PRKN: variants seen among roughly 807,000 people sequenced by gnomAD.
PRKN encodes the protein E3 ubiquitin-protein ligase parkin.
A neutral mutation model predicts 59.5 loss-of-function variants in PRKN; 56 were observed. That is an observed-to-expected ratio of 0.94 (90% CI 0.76 to 1.18). The LOEUF (loss-of-function observed/expected upper bound fraction) is 1.18, where lower values mean the gene tolerates loss of function less well. Ranked by LOEUF, PRKN falls within the 50% of genes most tolerant of loss-of-function variation. The pLI is 0.00. For missense variants in PRKN, 657 were observed against 596.4 expected, an observed-to-expected ratio of 1.10 and a Z score of -1.06; for synonymous variants, 250 against 222.1, an observed-to-expected ratio of 1.13 and a Z score of -1.12.
chr6:162,226,445 G>GC (rs932030071), intron 3 of PRKN, among the ~76,000 whole-genome samples: 2 of 152,200 alleles, frequency 1.3e-5, no homozygotes, highest in Non-Finnish European at 2.9e-5. Flanking sequence ...CACGAGCAGA[G>GC]CCATGTGGGT....
intron 2 of PRKN, among the ~76,000 whole-genome samples, chr6:162,323,950 TA>T (rs1260269087): frequency 2.9e-5 from 4 of 139,768 alleles, no homozygotes; most frequent in Non-Finnish European, 4.7e-5. Flanking sequence ...AGAGTAACTT[TA>T]TTTATAACAG....
chr6:162,113,927 A>G (rs1780553145), intron 4 of PRKN, among the ~76,000 whole-genome samples: 1 of 152,044 alleles, frequency 6.6e-6, no homozygotes, highest in African/African-American at 2.4e-5. Context: ...TCAGCTTTCT[A>G]CATATGGCTA....
chr6:162,594,851 G>C (rs1355047441), intron 1 of PRKN, among the ~76,000 whole-genome samples: 2 of 152,110 alleles, frequency 1.3e-5, no homozygotes, highest in African/African-American at 4.8e-5. Flanking sequence ...TCCTTTCTTA[G>C]AGCTTATTTT....
chr6:161,490,073 A>T (rs1284574002), intron 9 of PRKN, among the ~76,000 whole-genome samples: 1 of 152,232 alleles, frequency 6.6e-6, no homozygotes, highest in South Asian at 2.1e-4. Context: ...ATGTCTTACC[A>T]GGAGGACCTA....
chr6:162,363,095 T>C (rs991288208), intron 2 of PRKN, among the ~76,000 whole-genome samples: 5 of 130,212 alleles, frequency 3.8e-5, no homozygotes, highest in African/African-American at 1.5e-4. Flanking sequence ...ACCACTGCAC[T>C]CCAGCCTGGG....
rs375246188 is a variant in PRKN, at chr6:162,311,041, G to C, written c.172-48276C>G. ...CTTTTTACTTGGTAACTGAAATAGT[G>C]AAAACAGAAAATCATAAAGGCTATC... On this transcript the variant is annotated intron_variant, in intron 2 of 11. Transcript: ENST00000366898. Among the ~76,000 whole-genome samples the C allele has an allele frequency of 6.6e-5, 10 of 152,130 alleles. No individual in the cohort carries two copies. The East Asian group carries it at 1.7e-3, about 26-fold the overall frequency.
At position 161,552,825 on chromosome 6, in the gene PRKN, G is replaced by A. The variant is rs1350934358; in HGVS notation, c.934-3822C>T. 1.4e-5 allele frequency among the ~76,000 whole-genome samples: 2 copies of A among 142,614 alleles called. No homozygotes were observed. Among genetic ancestry groups the A allele is most frequent in the East Asian group, 4.3e-4 (2 of 4,668 alleles). 93.6% of individuals were successfully genotyped at this position (142,614 alleles called of 152,430 possible). A position where few individuals can be genotyped will look rare whatever the true frequency, so the allele number is the denominator to read the frequency against. On this transcript the variant is annotated intron_variant, in intron 8 of 11. Coordinates refer to ENST00000366898, the MANE Select transcript of PRKN (RefSeq NM_004562.3). The surrounding 1 kb of genome is among the most constrained non-coding windows in gnomAD (Gnocchi z 4.9). ...GTTTTTTTTTTTTAGACGGAGTCTCGTTGTTACGCGGCTGGAGTACAGTGG... is the reference window on the plus strand; with the variant it reads ...GTTTTTTTTTTTTAGACGGAGTCTCATTGTTACGCGGCTGGAGTACAGTGG...
At chr6:162,577,278 G>T (rs979432521) in intron 1 of PRKN, among the ~76,000 whole-genome samples, 2 of 152,070 alleles carry the variant, frequency 1.3e-5, no homozygotes, top group African/African-American at 4.8e-5. Context: ...ACATGGAAAA[G>T]AATAAGATAA....
chr6:162,085,099 G>A (rs892425006), intron 4 of PRKN, among the ~76,000 whole-genome samples: 1 of 150,148 alleles, frequency 6.7e-6, no homozygotes, highest in Non-Finnish European at 1.5e-5. Flanking sequence ...CAGTGAGACA[G>A]TGGAAATAGG....
At chr6:162,349,754 A>G (rs1379023519) in intron 2 of PRKN, among the ~76,000 whole-genome samples, 1 of 152,202 alleles carries the variant, frequency 6.6e-6, no homozygotes, top group African/African-American at 2.4e-5. Context: ...AGTTGACGGT[A>G]AAAGACTGAA....
intron 7 of PRKN, among the ~76,000 whole-genome samples, chr6:161,679,676 C>T (rs1289703465): frequency 2.4e-5 from 2 of 83,596 alleles, no homozygotes; most frequent in African/African-American, 3.5e-5. Flanking sequence ...ATAGAACCAC[C>T]CCCCCCCCTT....
Position 162,436,063 on chromosome 6 carries a change from C to T in PRKN, c.171+7247G>A, listed in dbSNP as rs1034721057. On this transcript the variant is annotated intron_variant, in intron 2 of 11. Coordinates refer to ENST00000366898, the MANE Select transcript of PRKN (RefSeq NM_004562.3). The stretch of plus-strand genomic sequence containing the variant: ...TGGTGGTACATGCCTGAAATCCCAG[C>T]GACTTGAGAGGCTGAGGCAGGAGAA... 3.3e-5 allele frequency among the ~76,000 whole-genome samples: 5 copies of T among 149,630 alleles called. No homozygotes were observed. In the East Asian group the frequency reaches 6.1e-4, roughly 18 times the overall value.
intron 3 of PRKN, among the ~76,000 whole-genome samples, chr6:162,253,200 G>T (rs1271377587): frequency 6.6e-6 from 1 of 152,196 alleles, no homozygotes; most frequent in African/African-American, 2.4e-5. Flanking sequence ...AATTGAAAGA[G>T]AAACTGGAAA....
chr6:162,209,356 CTCA>C (rs763481612), intron 3 of PRKN, among the ~76,000 whole-genome samples: 5 of 152,130 alleles, frequency 3.3e-5, no homozygotes, highest in South Asian at 2.1e-4. Flanking sequence ...TGAAAAAATG[CTCA>C]TCGTCACTGG....
At chr6:162,365,076 T>A (rs1348200635) in intron 2 of PRKN, among the ~76,000 whole-genome samples, 1 of 151,836 alleles carries the variant, frequency 6.6e-6, no homozygotes, top group Non-Finnish European at 1.5e-5. Flanking sequence ...ACTAAGCATT[T>A]TTTTTTACAA....
rs1374798874 is a variant in PRKN, at chr6:162,618,768, T to C, written c.7+108894A>G. Among the ~76,000 whole-genome samples the C allele has an allele frequency of 2.6e-5, 4 of 152,338 alleles. No homozygotes were observed. The East Asian group carries it at 7.7e-4, about 29-fold the overall frequency. On this transcript the variant is annotated intron_variant, in intron 1 of 11. Coordinates refer to ENST00000366898, the MANE Select transcript of PRKN (RefSeq NM_004562.3). ...TTGAAACTCCCCCCCAAAAGTTAAT[T>C]GCTTGTCTATCAAAAAGATAAACAT...
intron 2 of PRKN, among the ~76,000 whole-genome samples, chr6:162,373,174 T>C (rs1290098941): frequency 6.6e-6 from 1 of 152,218 alleles, no homozygotes; most frequent in Non-Finnish European, 1.5e-5. Context: ...TGGTTAACGA[T>C]GTGTAACTAG....
intron 2 of PRKN, among the ~76,000 whole-genome samples, chr6:162,341,881 T>C (rs1784194035): frequency 6.6e-6 from 1 of 151,580 alleles, no homozygotes; most frequent in Non-Finnish European, 1.5e-5. Flanking sequence ...GTTCTGTACA[T>C]GTATACCACA....
At chr6:162,380,397 C>CTA (rs5881472) in intron 2 of PRKN, among the ~76,000 whole-genome samples, 89 of 134,540 alleles carry the variant, frequency 6.6e-4, no homozygotes, top group Admixed American at 2.4e-3. Context: ...TAGTTTAAAG[C>CTA]TATATATATA....
Sources: allele counts gnomAD v4.1 joint callset (sites outside exome capture counted in the v4.1 genomes callset), GRCh38; gene constraint gnomAD v4.1.1; non-coding constraint Gnocchi (gnomAD v3.1); transcripts MANE v1.5; gene names NCBI Gene and HGNC (gene_info 2026-07-23, HGNC 2026-07-21).